Variants in SPPL2B observed in about 807,000 individuals in gnomAD.
SPPL2B encodes the protein signal peptide peptidase like 2B, also known as signal peptide peptidase-like 2B.
In SPPL2B, 39 loss-of-function variants were observed where a neutral mutation model predicts 59.7. The ratio of observed to expected loss-of-function variants is 0.65; its 90% confidence interval spans 0.51 to 0.85. The LOEUF is 0.85. Among genes scored for constraint, SPPL2B ranks in the 40% least tolerant of loss-of-function variants. The probability of loss-of-function intolerance (pLI) is 0.00; values close to 1 mark genes in which losing one functional copy is unlikely to be tolerated. For synonymous variants in SPPL2B, 419 were observed against 370.8 expected, an observed-to-expected ratio of 1.13 and a Z score of -1.49; for missense variants, 865 against 849.0, an observed-to-expected ratio of 1.02 and a Z score of -0.23.
intron 1 of SPPL2B, among the ~76,000 whole-genome samples, chr19:2,331,131 C>G (rs180808142): frequency 2.0e-5 from 3 of 152,314 alleles, no homozygotes; most frequent in Non-Finnish European, 4.4e-5. Flanking sequence ...CCACGGAGCC[C>G]GCTCCTCAGC....
intron 1 of SPPL2B, among the ~76,000 whole-genome samples, chr19:2,329,848 C>T (rs1968186932): frequency 2.0e-5 from 3 of 152,216 alleles, no homozygotes. Flanking sequence ...ATTGCAGTCG[C>T]TTCACTCTCT....
At chr19:2,340,210 G>C (rs1399791343) in intron 7 of SPPL2B, 38 bp downstream of exon 7, 1 of 1,466,006 alleles carries the variant, frequency 6.8e-7, no homozygotes, top group South Asian at 1.3e-5. Context: ...GCCTGACTCT[G>C]TGCGGTGATG....
intron 13 of SPPL2B, among the ~76,000 whole-genome samples, chr19:2,347,060 G>A (rs745730946): frequency 1.1e-4 from 17 of 152,212 alleles, no homozygotes; most frequent in Non-Finnish European, 1.9e-4. Context: ...GAGAACTCCC[G>A]TGTGCCCCGT....
chr19:2,348,123 A>C (rs1969580656), intron 13 of SPPL2B, among the ~76,000 whole-genome samples: 1 of 106,040 alleles, frequency 9.4e-6, no homozygotes, highest in African/African-American at 4.1e-5. Context: ...TTCTCTCTCC[A>C]CACACACTCA....
chr19:2,346,037 C>G (rs1969350241), intron 13 of SPPL2B, among the ~76,000 whole-genome samples: 1 of 152,186 alleles, frequency 6.6e-6, no homozygotes, highest in African/African-American at 2.4e-5. Flanking sequence ...TCTTTTTCTT[C>G]TTTGCCTTGT....
At position 2,343,997 on chromosome 19, in the gene SPPL2B, C is replaced by T. The variant is rs1159571135; in HGVS notation, c.1071C>T (p.Leu357=). Residue 357 remains leucine, a synonymous_variant, in exon 10 of 15, where the codon CTC becomes CTT. Transcript: ENST00000613503. ...CGCTGCTGCTGCTGGTGCTGTTCCT[C>T]TACGACATCTTCTTCGTGTTCATCA... is the stretch of plus-strand genomic sequence containing the variant. The part of the protein sequence containing the change: ...ACTLLLLVLF[L]YDIFFVFITP... 1 of 1,548,494 alleles carries T rather than the reference C, an allele frequency of 6.5e-7. No homozygotes were observed. Among genetic ancestry groups the T allele is most frequent in the Non-Finnish European group, 8.7e-7 (1 of 1,146,694 alleles).
At chr19:2,338,448 C>T (rs1245466944) in intron 3 of SPPL2B, 1 of 275,246 alleles carries the variant, frequency 3.6e-6, no homozygotes, top group Non-Finnish European at 6.9e-6. Flanking sequence ...TGGGCTGTGA[C>T]AAGTATCACT....
At chr19:2,331,183 G>A (rs1968270597) in intron 1 of SPPL2B, among the ~76,000 whole-genome samples, 2 of 152,100 alleles carry the variant, frequency 1.3e-5, no homozygotes, top group Non-Finnish European at 2.9e-5. Flanking sequence ...GACCCGGCCC[G>A]GCTCCTGGAA....
At position 2,353,365 on chromosome 19, in the gene SPPL2B, C is replaced by A; in HGVS notation, c.*156C>A. 1 of 966,818 alleles carries A rather than the reference C, an allele frequency of 1.0e-6. No individual in the cohort carries two copies. Among genetic ancestry groups the A allele is most frequent in the Non-Finnish European group, 1.5e-6 (1 of 675,942 alleles). 59.9% of individuals were successfully genotyped at this position (966,818 alleles called of 1,614,324 possible). ...CATGGTGCTCATCCTTGCCGAGACC[C>A]CTGCGGTCTGTGCCCGCGCCCAGCC... is the stretch of plus-strand genomic sequence containing the variant. On this transcript the variant is annotated 3_prime_UTR_variant, in exon 15 of 15. Coordinates refer to ENST00000613503, the MANE Select transcript of SPPL2B (RefSeq NM_152988.3).
In SPPL2B at chr19:2,338,856, G is replaced by C. The variant is rs755097655; in HGVS notation, c.459+15G>C. Reference sequence around the variant, plus strand: ...ACATCTTCACGGTAGGTCTGCGCCGGCTCAGACCCACGCTCCCGAGGAGAT... The same window carrying C: ...ACATCTTCACGGTAGGTCTGCGCCGCCTCAGACCCACGCTCCCGAGGAGAT... On this transcript the variant is annotated intron_variant, in intron 4 of 14. Transcript: ENST00000613503. 3.1e-6 allele frequency: 5 copies of C among 1,610,742 alleles called. No individual in the cohort carries two copies. In the African/African-American group the frequency reaches 6.7e-5, roughly 22 times the overall value.
At chr19:2,330,894 C>G (rs543407361) in intron 1 of SPPL2B, 1 of 152,300 alleles carries the variant, frequency 6.6e-6, no homozygotes, top group Non-Finnish European at 1.5e-5. Flanking sequence ...GCAGGTGTTC[C>G]TGCCCCTTCC....
Position 2,353,130 on chromosome 19 carries a change from A to T in SPPL2B, c.1700A>T (p.Glu567Val). The change falls in exon 15 of 15, where the codon GAG (glutamate) becomes GTG (valine). Residue 567 changes from glutamate (E) to valine (V), a missense_variant. Transcript: ENST00000613503. ...EEMGAGAPMR[E>V]PGSPAESEGR... ...ATGGGGGCTGGAGCCCCCATGCGGG[A>T]GCCTGGGAGCCCAGCTGAATCCGAG... is the stretch of plus-strand genomic sequence containing the variant. The T allele has an allele frequency of 6.2e-7, 1 of 1,610,418 alleles. No individual in the cohort carries two copies. Among genetic ancestry groups the T allele is most frequent in the South Asian group, 1.1e-5 (1 of 90,974 alleles).
In SPPL2B at chr19:2,353,038, C is replaced by T; in HGVS notation, c.1608C>T (p.Pro536=). ...DSATPLSPQP[P]SEEPATSPWP... ...CCACGCCACTCTCCCCGCAGCCGCC[C>T]AGCGAAGAACCAGCCACATCCCCCT... The change falls in exon 15 of 15, where the codon CCC becomes CCT. Residue 536 remains proline (P), a synonymous_variant. Coordinates refer to ENST00000613503, the MANE Select transcript of SPPL2B (RefSeq NM_152988.3). The T allele has an allele frequency of 1.2e-6, 2 of 1,612,060 alleles. No homozygotes were observed. The highest frequency in any genetic ancestry group is 2.2e-5 in the East Asian group (1 of 44,866).
chr19:2,348,554 G>C (rs77519912), intron 13 of SPPL2B, among the ~76,000 whole-genome samples: 8 of 43,102 alleles, frequency 1.9e-4, no homozygotes, highest in African/African-American at 5.8e-4. Context: ...GTTCTCATTC[G>C]CGTGATTCCG....
At chr19:2,329,368 G>T (rs1192854952) in intron 1 of SPPL2B, among the ~76,000 whole-genome samples, 1 of 152,218 alleles carries the variant, frequency 6.6e-6, no homozygotes, top group Non-Finnish European at 1.5e-5. Flanking sequence ...GACCGACTAT[G>T]GTGTGGATTC....
intron 14 of SPPL2B, among the ~76,000 whole-genome samples, chr19:2,352,190 C>A (rs575375677): frequency 1.3e-5 from 2 of 152,172 alleles, no homozygotes; most frequent in Admixed American, 6.5e-5. Context: ...TGGGACCCCC[C>A]CTTCCAGTGT....
At chr19:2,346,666 C>T (rs11084937) in intron 13 of SPPL2B, among the ~76,000 whole-genome samples, 91,028 of 152,014 alleles carry the variant, frequency 0.6, 29,327 homozygotes, top group Non-Finnish European at 0.74. Flanking sequence ...GACCCTGTCT[C>T]GAAAAAATAA....
chr19:2,353,513 C>G lies in SPPL2B; in HGVS notation c.*304C>G, dbSNP rs983396075. 3 of 407,044 alleles carry G rather than the reference C, an allele frequency of 7.4e-6. No individual in the cohort carries two copies. The highest frequency in any genetic ancestry group is 6.4e-5 in the African/African-American group (3 of 47,006). 25.2% of individuals were successfully genotyped at this position (407,044 alleles called of 1,614,324 possible). A position where few individuals can be genotyped will look rare whatever the true frequency, so the allele number is the denominator to read the frequency against. ...CCTGCCCGGCCTCTCTGCAGACCCT[C>G]AAGCGTCGTCTGCATGAGTGAGCAG... On this transcript the variant is annotated 3_prime_UTR_variant, in exon 15 of 15. Transcript: ENST00000613503.
chr19:2,345,192 G>C (rs910730843), intron 12 of SPPL2B, 61 bp from the exon 13 acceptor site: 89 of 1,485,374 alleles, frequency 6.0e-5, no homozygotes, highest in East Asian at 4.1e-4. Flanking sequence ...CCCGCTCCCA[G>C]GAAGCCCCTG....
Sources: gnomAD v4.1 joint callset for allele counts (sites outside exome capture counted in the v4.1 genomes callset) on GRCh38, gnomAD v4.1.1 for gene constraint, MANE v1.5 for transcripts, NCBI Gene and HGNC (gene_info 2026-07-23, HGNC 2026-07-21) for gene names.